Variants in ARHGEF4 observed in about 807,000 individuals in gnomAD.
ARHGEF4 encodes the protein APC-stimulated guanine nucleotide exchange factor 1.
Under a neutral mutation model 162.0 loss-of-function variants are expected in ARHGEF4, and 119 were observed. That is an observed-to-expected ratio of 0.73 (90% CI 0.63 to 0.86). The LOEUF is 0.86. Ranked by LOEUF, ARHGEF4 falls within the 40% of genes least tolerant of loss-of-function variation. The pLI is 0.00. For synonymous variants in ARHGEF4, 1,014 were observed against 979.9 expected, an observed-to-expected ratio of 1.03 and a Z score of -0.65; for missense variants, 2,488 against 2,456.0, an observed-to-expected ratio of 1.01 and a Z score of -0.28.
At chr2:130,957,575 T>G (rs959259895) in intron 4 of ARHGEF4, among the ~76,000 whole-genome samples, 2 of 152,174 alleles carry the variant, frequency 1.3e-5, no homozygotes, top group Admixed American at 1.3e-4. Flanking sequence ...ATACTAAAAT[T>G]GTTAAATTGT....
At chr2:130,968,867 G>A (rs1315723935) in intron 4 of ARHGEF4, among the ~76,000 whole-genome samples, 3 of 152,134 alleles carry the variant, frequency 2.0e-5, no homozygotes, top group Admixed American at 6.5e-5. Flanking sequence ...GCAGTGAGCC[G>A]AGACTGCGCC....
chr2:130,914,440 C>G lies in ARHGEF4; in HGVS notation c.494C>G (p.Ala165Gly). ...GAGGCAGGACACCTCTGGGACTGCG[C>G]GACCAGCCTGGAGCGAGAGTCTTTG... Reference protein sequence around the residue: ...EQEAGHLWDCATSLERESLLA... With the variant: ...EQEAGHLWDCGTSLERESLLA... The change falls in exon 2 of 14, where the codon GCG becomes GGG. Residue 165 changes from alanine (A) to glycine (G), a missense_variant. This residue lies in a region of ARHGEF4 where 81 missense variants were observed against 125.8 expected (regional missense o/e 0.64). Coordinates refer to ENST00000409359, the MANE Select transcript of ARHGEF4 (RefSeq NM_001367493.1). The G allele has an allele frequency of 7.0e-7, 1 of 1,435,710 alleles. No individual in the cohort carries two copies. Among genetic ancestry groups the G allele is most frequent in the South Asian group, 1.5e-5 (1 of 66,736 alleles). 88.9% of individuals were successfully genotyped at this position (1,435,710 alleles called of 1,614,324 possible). A position where few individuals can be genotyped will look rare whatever the true frequency, so the allele number is the denominator to read the frequency against.
chr2:130,885,063 T>C lies in ARHGEF4; in HGVS notation c.40-28923T>C, dbSNP rs1026950597. On this transcript the variant is annotated intron_variant, in intron 1 of 13. Coordinates refer to ENST00000409359, the MANE Select transcript of ARHGEF4 (RefSeq NM_001367493.1). Reference sequence around the variant, plus strand: ...TACTAATCTACTCCATACTTCCACCTTTCTCCCTGGTATACATCACTTCTG... The same window carrying C: ...TACTAATCTACTCCATACTTCCACCCTTCTCCCTGGTATACATCACTTCTG... Among the ~76,000 whole-genome samples the C allele has an allele frequency of 2.6e-5, 4 of 152,262 alleles. No homozygotes were observed. The East Asian group carries it at 7.7e-4, about 29-fold the overall frequency.
intron 4 of ARHGEF4, among the ~76,000 whole-genome samples, chr2:131,022,656 A>G (rs549789298): frequency 0.047 from 323 of 6,804 alleles, 2 homozygotes; most frequent in African/African-American, 0.08. Flanking sequence ...CACACATTAT[A>G]CAAAAAAAAA....
Position 130,917,177 on chromosome 2 carries a change from C to T in ARHGEF4, c.3231C>T (p.Cys1077=). ...AHTLPSSSAC[C]LAYENPGTPC... is the part of the protein sequence containing the mutation. ...CCCTGCCTTCCAGCTCTGCCTGCTG[C>T]CTGGCATATGAAAACCCCGGGACGC... The change falls in exon 2 of 14, where the codon TGC becomes TGT. Residue 1077 remains cysteine, a synonymous_variant. Transcript: ENST00000409359. The T allele has an allele frequency of 1.3e-6, 2 of 1,550,530 alleles. No homozygotes were observed. Among genetic ancestry groups the T allele is most frequent in the Non-Finnish European group, 1.7e-6 (2 of 1,146,986 alleles).
At chr2:130,854,938 A>G (rs895999839) in intron 1 of ARHGEF4, among the ~76,000 whole-genome samples, 4 of 151,702 alleles carry the variant, frequency 2.6e-5, no homozygotes, top group Admixed American at 6.6e-5. Flanking sequence ...CAGTGGCGCA[A>G]TCTCGGCTCA....
intron 1 of ARHGEF4, among the ~76,000 whole-genome samples, chr2:130,888,417 A>G (rs35240463): frequency 0.18 from 27,886 of 150,872 alleles, 3,127 homozygotes; most frequent in East Asian, 0.34. Flanking sequence ...GTTGCAGTGA[A>G]CCGAGATCAC....
intron 4 of ARHGEF4, among the ~76,000 whole-genome samples, chr2:130,953,559 A>G (rs1173787655): frequency 1.3e-5 from 2 of 152,344 alleles, no homozygotes; most frequent in East Asian, 3.9e-4. Flanking sequence ...GACAAATGGG[A>G]TCTAATTAAA....
chr2:130,916,222 C>T lies in ARHGEF4; in HGVS notation c.2276C>T (p.Ala759Val). The T allele has an allele frequency of 6.5e-7, 1 of 1,542,124 alleles. No homozygotes were observed. Among genetic ancestry groups the T allele is most frequent in the Non-Finnish European group, 8.7e-7 (1 of 1,144,270 alleles). Residue 759 changes from alanine to valine, a missense_variant, in exon 2 of 14, where the codon GCT (alanine) becomes GTT (valine). By Grantham distance (64) the Ala-to-Val change is moderately conservative. Coordinates refer to ENST00000409359, the MANE Select transcript of ARHGEF4 (RefSeq NM_001367493.1). ...RGPEEAPEGGAAAARGQRPRV... is the reference protein window; with the variant it reads ...RGPEEAPEGGVAAARGQRPRV... ...CCGGAGGAGGCCCCCGAAGGCGGTG[C>T]TGCAGCAGCCCGGGGCCAGCGCCCC...
chr2:131,039,529 G>A (rs1199399686), intron 6 of ARHGEF4: 5 of 1,033,222 alleles, frequency 4.8e-6, no homozygotes, highest in South Asian at 7.9e-5. Context: ...GCCTGGCTCA[G>A]GGCGTCCAAG....
At chr2:131,028,753 G>A (rs1035485318) in intron 5 of ARHGEF4, among the ~76,000 whole-genome samples, 2 of 152,138 alleles carry the variant, frequency 1.3e-5, no homozygotes, top group Middle Eastern at 3.2e-3. Context: ...GTTGTTGAAC[G>A]TCATGGAAGT....
intron 1 of ARHGEF4, among the ~76,000 whole-genome samples, chr2:130,843,573 C>T (rs191908486): frequency 6.6e-6 from 1 of 152,244 alleles, no homozygotes; most frequent in Non-Finnish European, 1.5e-5. Context: ...TCCTCTCCCC[C>T]ACTGCTCTTC....
At chr2:130,982,628 T>C (rs1686205733) in intron 4 of ARHGEF4, among the ~76,000 whole-genome samples, 1 of 113,608 alleles carries the variant, frequency 8.8e-6, no homozygotes, top group African/African-American at 2.7e-5. Flanking sequence ...TTCTTTTCTT[T>C]CTTACCATTT....
rs1681969933 is a variant in ARHGEF4 at position 130,922,863 on chromosome 2, G to A, written c.3552+5365G>A. 3.3e-5 allele frequency among the ~76,000 whole-genome samples: 5 copies of A among 150,776 alleles called. No homozygotes were observed. In the South Asian group the frequency reaches 1.0e-3, roughly 32 times the overall value. ...TACTGATTCTTGATAGAATTGCATT[G>A]TGGGTAAATGTGCCACAGATATTTC... is the stretch of plus-strand genomic sequence containing the variant. On this transcript the variant is annotated intron_variant, in intron 2 of 13. Coordinates refer to ENST00000409359, the MANE Select transcript of ARHGEF4 (RefSeq NM_001367493.1).
At position 130,913,855 on chromosome 2, in the gene ARHGEF4, C is replaced by T. The variant is rs1049076529; in HGVS notation, c.40-131C>T. 6.3e-6 allele frequency: 7 copies of T among 1,116,840 alleles called. No individual in the cohort carries two copies. In the Admixed American group the frequency reaches 1.0e-4, roughly 16 times the overall value. 69.2% of individuals were successfully genotyped at this position (1,116,840 alleles called of 1,614,324 possible). A position where few individuals can be genotyped will look rare whatever the true frequency, so the allele number is the denominator to read the frequency against. On this transcript the variant is annotated intron_variant, in intron 1 of 13. Transcript: ENST00000409359. ...GCAGCCCTTCATACTTACCTCCCTTCCTAGGGGTACATGGGGAACTAATGA... is the reference window on the plus strand; with the variant it reads ...GCAGCCCTTCATACTTACCTCCCTTTCTAGGGGTACATGGGGAACTAATGA...
intron 4 of ARHGEF4, among the ~76,000 whole-genome samples, chr2:130,958,954 T>C (rs554564884): frequency 2.0e-4 from 30 of 151,470 alleles, no homozygotes; most frequent in Non-Finnish European, 1.8e-4. Flanking sequence ...TTCTTTTTTT[T>C]TTTTTGAGAT....
intron 4 of ARHGEF4, among the ~76,000 whole-genome samples, chr2:130,981,460 A>T (rs1035416570): frequency 1.3e-5 from 2 of 152,142 alleles, no homozygotes; most frequent in Non-Finnish European, 2.9e-5. Context: ...GGGGATCGAG[A>T]CCAGCTTGGC....
At chr2:130,838,378 G>T (rs553601393) in intron 1 of ARHGEF4, among the ~76,000 whole-genome samples, 1 of 152,126 alleles carries the variant, frequency 6.6e-6, no homozygotes. Context: ...GAGTGGGGGG[G>T]GCGGATCGCC....
intron 1 of ARHGEF4, among the ~76,000 whole-genome samples, chr2:130,884,386 GT>G (rs1679383114): frequency 6.6e-6 from 1 of 152,032 alleles, no homozygotes; most frequent in South Asian, 2.1e-4. Context: ...TAGATGACTA[GT>G]TTTGCCATTT....
Sources: allele counts gnomAD v4.1 joint callset (sites outside exome capture counted in the v4.1 genomes callset), GRCh38; gene constraint gnomAD v4.1.1; regional missense constraint gnomAD v4.1.1; transcripts MANE v1.5; gene names NCBI Gene and HGNC (gene_info 2026-07-23, HGNC 2026-07-21).